The following SLC9A3 variants were observed in gnomAD, a reference collection of about 807,000 sequenced individuals.
SLC9A3 encodes sodium/hydrogen exchanger 3.
In SLC9A3, 37 loss-of-function variants were observed where a neutral mutation model predicts 86.8. That is an observed-to-expected ratio of 0.43 (90% confidence interval 0.33 to 0.56). The LOEUF (loss-of-function observed/expected upper bound fraction) is 0.56, where lower values mean the gene tolerates loss of function less well. Ranked by LOEUF, SLC9A3 falls within the 20% of genes least tolerant of loss-of-function variation. The pLI is 0.06. For synonymous variants in SLC9A3, 581 were observed against 528.3 expected (o/e 1.10, Z -1.37); for missense variants, 1,011 against 1,171.9 (o/e 0.86, Z 2.00).
At chr5:478,690 G>A (rs1468152488) in intron 10 of SLC9A3, 1 of 154,714 alleles carries the variant, frequency 6.5e-6, no homozygotes, top group African/African-American at 2.4e-5. Flanking sequence ...TGTCACCTAT[G>A]TGGGGGTGAG....
chr5:479,577 G>A (rs1343087171), intron 10 of SLC9A3: 3 of 459,682 alleles, frequency 6.5e-6, no homozygotes, highest in South Asian at 2.2e-5. Context: ...AAGCAAGGGA[G>A]CTCGGGGTCC....
Position 472,936 on chromosome 5 carries a change from G to T in SLC9A3, c.*443C>A. 1 of 543,608 alleles carries T rather than the reference G, an allele frequency of 1.8e-6. No individual in the cohort carries two copies. The allele number at this position is 543,608 out of a possible 1,614,324, so 33.7% of individuals were successfully genotyped here. On this transcript the variant is annotated 3_prime_UTR_variant, in exon 17 of 17. Coordinates refer to ENST00000264938, the MANE Select transcript of SLC9A3 (RefSeq NM_004174.4). ...GGAAAGGGCGCGAGCGGCCAGCCAT[G>T]GCGCGCGGACCCTTCCCGCCGGCGG...
chr5:488,584 G>T (rs1246752348), intron 2 of SLC9A3, 108 bp from the exon 3 acceptor site: 1 of 1,155,908 alleles, frequency 8.7e-7, no homozygotes, highest in East Asian at 2.8e-5. Flanking sequence ...CGTCTGGCTG[G>T]CGCCGGTGGC....
chr5:486,907 CCGCA>C, intron 3 of SLC9A3, among the ~76,000 whole-genome samples: 1 of 126,424 alleles, frequency 7.9e-6, no homozygotes, highest in Non-Finnish European at 1.7e-5. Context: ...GTGATCCAGA[CCGCA>C]CTGACACCCA....
At chr5:505,856 G>A (rs1160797135) in intron 1 of SLC9A3, among the ~76,000 whole-genome samples, 1 of 150,506 alleles carries the variant, frequency 6.6e-6, no homozygotes, top group Admixed American at 6.6e-5. Context: ...ATGTTGGGAG[G>A]GGAGTGACTA....
chr5:512,124 C>T (rs965555966), intron 1 of SLC9A3, among the ~76,000 whole-genome samples: 2 of 152,182 alleles, frequency 1.3e-5, no homozygotes. Flanking sequence ...GATGAACAGG[C>T]AGAGCACAGA....
chr5:489,530 C>T (rs555716763), intron 2 of SLC9A3, among the ~76,000 whole-genome samples: 19 of 152,306 alleles, frequency 1.2e-4, no homozygotes, highest in South Asian at 2.1e-4. Flanking sequence ...GTCATCTCTG[C>T]GGTGACTAAA....
At chr5:486,996 TGACAC>T (rs1739510166) in intron 3 of SLC9A3, among the ~76,000 whole-genome samples, 5 of 41,154 alleles carry the variant, frequency 1.2e-4, no homozygotes, top group Middle Eastern at 0.011. Context: ...CCCACCGCAC[TGACAC>T]CGTGATCCAG....
At chr5:513,226 A>G (rs1269393961) in intron 1 of SLC9A3, among the ~76,000 whole-genome samples, 1 of 152,082 alleles carries the variant, frequency 6.6e-6, no homozygotes, top group East Asian at 1.9e-4. Flanking sequence ...TGATAGTGGC[A>G]CTGGTTACAG....
chr5:515,044 G>A (rs1733683202), intron 1 of SLC9A3, among the ~76,000 whole-genome samples: 1 of 152,154 alleles, frequency 6.6e-6, no homozygotes, highest in Non-Finnish European at 1.5e-5. Flanking sequence ...CAGGGACCAG[G>A]AGCTTGGCAC....
At chr5:490,357 CA>C (rs1739677476) in intron 2 of SLC9A3, among the ~76,000 whole-genome samples, 2 of 151,782 alleles carry the variant, frequency 1.3e-5, no homozygotes, top group African/African-American at 2.4e-5. Flanking sequence ...AGGGGAGGGC[CA>C]GGGGTGACGT....
chr5:492,858 C>T (rs989659103), intron 1 of SLC9A3, among the ~76,000 whole-genome samples: 1 of 152,150 alleles, frequency 6.6e-6, no homozygotes, highest in Non-Finnish European at 1.5e-5. Flanking sequence ...GCTGTGGCCC[C>T]CTCTCCTCGT....
At chr5:519,724 G>A (rs1733830551) in intron 1 of SLC9A3, among the ~76,000 whole-genome samples, 1 of 152,104 alleles carries the variant, frequency 6.6e-6, no homozygotes, top group African/African-American at 2.4e-5. Context: ...AGGGATCTGG[G>A]TCTTGACCCT....
intron 1 of SLC9A3, among the ~76,000 whole-genome samples, chr5:502,115 T>A (rs1019543395): frequency 6.6e-6 from 1 of 152,262 alleles, no homozygotes; most frequent in Non-Finnish European, 1.5e-5. Flanking sequence ...GAAACATGAA[T>A]GTTGCCCACG....
At chr5:475,715 C>G in intron 14 of SLC9A3, 44 bp from the exon 15 acceptor site, 1 of 1,089,878 alleles carries the variant, frequency 9.2e-7, no homozygotes, top group South Asian at 1.3e-5. Context: ...CACTGGGGGG[C>G]TGTCCTCACA....
intron 1 of SLC9A3, among the ~76,000 whole-genome samples, chr5:499,808 G>A (rs1241184607): frequency 2.0e-5 from 3 of 152,312 alleles, no homozygotes; most frequent in Non-Finnish European, 2.9e-5. Flanking sequence ...TAACGTCTCC[G>A]TAGATCAGCA....
chr5:493,676 C>T (rs1343265504), intron 1 of SLC9A3, among the ~76,000 whole-genome samples: 1 of 152,266 alleles, frequency 6.6e-6, no homozygotes, highest in East Asian at 1.9e-4. Flanking sequence ...GTCCCCAGGA[C>T]AGCGGCTCTG....
rs1368726809 is a variant in SLC9A3, at chr5:473,263, C to T, written c.*116G>A. 1.9e-5 allele frequency: 21 copies of T among 1,133,790 alleles called. No individual in the cohort carries two copies. The East Asian group carries it at 4.3e-4, about 23-fold the overall frequency. 70.2% of individuals were successfully genotyped at this position (1,133,790 alleles called of 1,614,324 possible). A position where few individuals can be genotyped will look rare whatever the true frequency, so the allele number is the denominator to read the frequency against. On this transcript the variant is annotated 3_prime_UTR_variant, in exon 17 of 17. Transcript: ENST00000264938. ...GGCGTGGGCGAGGCGGGGCTCGGGG[C>T]TCGCGGTCGCTGTAGCCGCGCGGGG...
At chr5:474,102 G>C (rs1270858899) in intron 16 of SLC9A3, among the ~76,000 whole-genome samples, 1 of 151,526 alleles carries the variant, frequency 6.6e-6, no homozygotes, top group Admixed American at 6.6e-5. Context: ...GAGAGAGCGC[G>C]CCAGGTTCAG....
Sources: gnomAD v4.1 joint callset for allele counts (sites outside exome capture counted in the v4.1 genomes callset) on GRCh38, gnomAD v4.1.1 for gene constraint, MANE v1.5 for transcripts, NCBI Gene and HGNC (gene_info 2026-07-23, HGNC 2026-07-21) for gene names.